Variants in PLCB1 observed in about 807,000 individuals in gnomAD.
PLCB1 encodes the protein phospholipase C beta 1.
A neutral mutation model predicts 161.8 loss-of-function variants in PLCB1; 46 were observed. That is an observed-to-expected ratio of 0.28 (90% confidence interval 0.22 to 0.36). The LOEUF (loss-of-function observed/expected upper bound fraction) is 0.36, where lower values mean the gene tolerates loss of function less well. Ranked by LOEUF, PLCB1 falls within the 10% of genes least tolerant of loss-of-function variation. The pLI, the probability that PLCB1 is intolerant of heterozygous loss-of-function variation, is 1.00. For missense variants in PLCB1, 1,016 were observed against 1,472.5 expected, an observed-to-expected ratio of 0.69 and a Z score of 5.07; for synonymous variants, 517 against 503.7, an observed-to-expected ratio of 1.03 and a Z score of -0.35.
At chr20:8,137,705 C>G (rs57178496) in intron 1 of PLCB1, among the ~76,000 whole-genome samples, 8,441 of 152,256 alleles carry the variant, frequency 0.055, 793 homozygotes, top group African/African-American at 0.19. Flanking sequence ...AGTACCAGAT[C>G]AAGAAACAGC....
At chr20:8,485,506 A>G (rs1406199508) in intron 3 of PLCB1, among the ~76,000 whole-genome samples, 4 of 152,236 alleles carry the variant, frequency 2.6e-5, no homozygotes, top group Non-Finnish European at 5.9e-5. Flanking sequence ...ATTAAGGATC[A>G]GGGTTTAGTG....
chr20:8,870,569 A>C (rs2146324234), intron 31 of PLCB1, among the ~76,000 whole-genome samples: 1 of 152,312 alleles, frequency 6.6e-6, no homozygotes, highest in Middle Eastern at 3.4e-3. Context: ...GACTTGAAAT[A>C]AAGTTTAAAA....
At chr20:8,523,852 A>G (rs561029938) in intron 3 of PLCB1, among the ~76,000 whole-genome samples, 2 of 152,170 alleles carry the variant, frequency 1.3e-5, no homozygotes, top group South Asian at 4.1e-4. Flanking sequence ...AGTGAGACAC[A>G]GAGGAAGCAA....
intron 2 of PLCB1, among the ~76,000 whole-genome samples, chr20:8,321,217 T>G (rs1002880761): frequency 2.0e-5 from 3 of 152,208 alleles, no homozygotes; most frequent in Non-Finnish European, 4.4e-5. Context: ...TGTTCTCCTT[T>G]TTTTGTTTGC....
intron 31 of PLCB1, 83 bp from the exon 32 acceptor site, chr20:8,881,539 A>G: frequency 1.0e-6 from 1 of 982,388 alleles, no homozygotes; most frequent in Non-Finnish European, 1.6e-6. Context: ...CCCCTTTTGT[A>G]TATCTCTTTC....
At chr20:8,290,767 C>T (rs970717584) in intron 2 of PLCB1, among the ~76,000 whole-genome samples, 8 of 152,150 alleles carry the variant, frequency 5.3e-5, no homozygotes, top group Admixed American at 1.3e-4. Context: ...CCGCTTGCCC[C>T]TGACCTTGTG....
chr20:8,398,411 C>T (rs78350232), intron 3 of PLCB1, among the ~76,000 whole-genome samples: 1 of 151,908 alleles, frequency 6.6e-6, no homozygotes, highest in African/African-American at 2.4e-5. Flanking sequence ...AACAAATTAC[C>T]ATAGACTGGT....
intron 3 of PLCB1, among the ~76,000 whole-genome samples, chr20:8,547,161 G>A (rs903096186): frequency 1.4e-5 from 2 of 143,278 alleles, no homozygotes; most frequent in Non-Finnish European, 3.2e-5. Flanking sequence ...AATAAAGCCA[G>A]CTCATTGTTT....
intron 31 of PLCB1, among the ~76,000 whole-genome samples, chr20:8,844,224 T>C (rs1986609207): frequency 6.6e-6 from 1 of 152,230 alleles, no homozygotes; most frequent in South Asian, 2.1e-4. Flanking sequence ...CGTTGTCCTT[T>C]TGTTTGCCGT....
chr20:8,510,221 C>T (rs1983822433), intron 3 of PLCB1, among the ~76,000 whole-genome samples: 1 of 152,140 alleles, frequency 6.6e-6, no homozygotes. Flanking sequence ...TCAACTATAA[C>T]AAGGAGCTTG....
At chr20:8,361,483 G>C (rs1955254002) in intron 2 of PLCB1, among the ~76,000 whole-genome samples, 2 of 152,000 alleles carry the variant, frequency 1.3e-5, no homozygotes, top group African/African-American at 4.8e-5. Flanking sequence ...AGATTGTCGG[G>C]CCACCCCAGA....
chr20:8,238,522 T>C (rs1980437903), intron 2 of PLCB1, among the ~76,000 whole-genome samples: 1 of 151,860 alleles, frequency 6.6e-6, no homozygotes, highest in African/African-American at 2.4e-5. Context: ...ATGCCAGATG[T>C]CATATACTAG....
At chr20:8,324,197 G>A (rs1985042572) in intron 2 of PLCB1, among the ~76,000 whole-genome samples, 1 of 107,640 alleles carries the variant, frequency 9.3e-6, no homozygotes, top group Admixed American at 1.1e-4. Flanking sequence ...TAAACTGGTA[G>A]GGGTGTGTGT....
At chr20:8,847,840 G>T (rs6086643) in intron 31 of PLCB1, among the ~76,000 whole-genome samples, 39,452 of 151,808 alleles carry the variant, frequency 0.26, 6,722 homozygotes, top group East Asian at 0.63. Context: ...GGTATATAGG[G>T]TATCGTAGTC....
At chr20:8,752,434 T>C (rs1302820892) in intron 23 of PLCB1, 1 of 152,212 alleles carries the variant, frequency 6.6e-6, no homozygotes, top group Non-Finnish European at 1.5e-5. Context: ...TAACAGTGTC[T>C]AACCCAGGAT....
intron 23 of PLCB1, among the ~76,000 whole-genome samples, chr20:8,749,207 G>A (rs757731771): frequency 3.3e-5 from 5 of 152,136 alleles, no homozygotes; most frequent in Non-Finnish European, 5.9e-5. Flanking sequence ...GGTCTGGGGC[G>A]GACTCAAGAA....
intron 9 of PLCB1, among the ~76,000 whole-genome samples, chr20:8,661,826 G>A (rs1989631471): frequency 6.7e-6 from 1 of 149,076 alleles, no homozygotes; most frequent in Non-Finnish European, 1.5e-5. Flanking sequence ...CCTACGTTAA[G>A]TAATTCATAA....
At chr20:8,565,327 G>T (rs1308186503) in intron 3 of PLCB1, among the ~76,000 whole-genome samples, 24 of 151,970 alleles carry the variant, frequency 1.6e-4, no homozygotes, top group Non-Finnish European at 3.2e-4. Context: ...TCACACACTG[G>T]GGCCTGTCAG....
At chr20:8,421,116 T>G in intron 3 of PLCB1, among the ~76,000 whole-genome samples, 1 of 152,226 alleles carries the variant, frequency 6.6e-6, no homozygotes, top group South Asian at 2.1e-4. Flanking sequence ...AGCATCATTA[T>G]GTGGAGAAAG....
Sources: allele counts gnomAD v4.1 joint callset (sites outside exome capture counted in the v4.1 genomes callset), GRCh38; gene constraint gnomAD v4.1.1; transcripts MANE v1.5; gene names NCBI Gene and HGNC (gene_info 2026-07-23, HGNC 2026-07-21).